ADGRL2: variants seen among roughly 807,000 people sequenced by gnomAD.
The protein encoded by ADGRL2 is adhesion G protein-coupled receptor L2.
Under a neutral mutation model 157.4 loss-of-function variants are expected in ADGRL2, and 44 were observed. The observed-to-expected ratio is 0.28, with a 90% CI of 0.22 to 0.36. The LOEUF (loss-of-function observed/expected upper bound fraction) is 0.36. Among genes scored for constraint, ADGRL2 ranks in the 10% least tolerant of loss-of-function variants. The pLI is 1.00. For synonymous variants in ADGRL2, 585 were observed against 624.7 expected, an observed-to-expected ratio of 0.94 and a Z score of 0.95; for missense variants, 1,510 against 1,768.9, an observed-to-expected ratio of 0.85 and a Z score of 2.63.
At chr1:81,651,595 A>C (rs890103568) in intron 3 of ADGRL2, among the ~76,000 whole-genome samples, 1 of 152,240 alleles carries the variant, frequency 6.6e-6, no homozygotes, top group African/African-American at 2.4e-5. Flanking sequence ...CAGTAATTGT[A>C]GGGTTTCACC....
intron 11 of ADGRL2, among the ~76,000 whole-genome samples, chr1:81,957,726 T>G (rs1654006314): frequency 6.6e-6 from 1 of 151,934 alleles, no homozygotes; most frequent in Non-Finnish European, 1.5e-5. Context: ...TAAATAAAAT[T>G]TAATTAAATG....
At chr1:81,325,856 G>A (rs185077524) in intron 1 of ADGRL2, among the ~76,000 whole-genome samples, 6 of 152,218 alleles carry the variant, frequency 3.9e-5, no homozygotes, top group Non-Finnish European at 7.4e-5. Flanking sequence ...GTACTGAAGG[G>A]CTCTACCCCC....
intron 1 of ADGRL2, among the ~76,000 whole-genome samples, chr1:81,428,196 G>A (rs929370380): frequency 7.2e-5 from 11 of 152,022 alleles, no homozygotes; most frequent in Non-Finnish European, 1.3e-4. Context: ...GACATGAATG[G>A]GTGCTGACGT....
chr1:81,620,395 G>A (rs1053062812), intron 3 of ADGRL2, among the ~76,000 whole-genome samples: 17 of 152,130 alleles, frequency 1.1e-4, no homozygotes, highest in Admixed American at 5.9e-4. Context: ...TTAGGTTTAG[G>A]TCAAGTAAAA....
At chr1:81,960,544 G>A (rs563545720) in intron 11 of ADGRL2, among the ~76,000 whole-genome samples, 29 of 134,792 alleles carry the variant, frequency 2.2e-4, no homozygotes, top group African/African-American at 6.4e-4. Flanking sequence ...GCATGATCTC[G>A]GCTCACTGCA....
intron 2 of ADGRL2, among the ~76,000 whole-genome samples, chr1:81,455,017 C>G (rs2077775030): frequency 6.6e-6 from 1 of 152,202 alleles, no homozygotes; most frequent in African/African-American, 2.4e-5. Flanking sequence ...GACCAGGTTT[C>G]TCATCCTCTA....
intron 2 of ADGRL2, among the ~76,000 whole-genome samples, chr1:81,843,694 CA>C (rs2092685426): frequency 1.3e-5 from 2 of 152,078 alleles, no homozygotes; most frequent in East Asian, 1.9e-4. Flanking sequence ...AAATGTGACT[CA>C]AAGTTGCCGA....
upstream of ADGRL2, among the ~76,000 whole-genome samples, chr1:81,800,029 T>C (rs1045030352): frequency 2.6e-5 from 4 of 152,130 alleles, no homozygotes; most frequent in Non-Finnish European, 5.9e-5. Flanking sequence ...GGCTGTTTGC[T>C]GACATTGCCA....
intron 2 of ADGRL2, among the ~76,000 whole-genome samples, chr1:81,900,488 G>A (rs957457633): frequency 6.6e-5 from 10 of 151,962 alleles, no homozygotes; most frequent in Non-Finnish European, 8.8e-5. Flanking sequence ...AGTAGAGAGT[G>A]GAAACTCATG....
At chr1:81,547,951 T>C (rs1039072173) in intron 2 of ADGRL2, among the ~76,000 whole-genome samples, 7 of 152,244 alleles carry the variant, frequency 4.6e-5, no homozygotes, top group East Asian at 1.9e-4. Context: ...TGTTATTTTA[T>C]GTTTTACTTA....
intron 2 of ADGRL2, among the ~76,000 whole-genome samples, chr1:81,531,872 A>C (rs1299529264): frequency 6.6e-6 from 1 of 152,176 alleles, no homozygotes; most frequent in Non-Finnish European, 1.5e-5. Flanking sequence ...TAAATTTCTT[A>C]AATTTTTATA....
chr1:81,500,912 C>A (rs1053083695), intron 2 of ADGRL2, among the ~76,000 whole-genome samples: 2 of 152,086 alleles, frequency 1.3e-5, no homozygotes, highest in African/African-American at 4.8e-5. Flanking sequence ...TCTTTGATAT[C>A]CAAAACTAAT....
At chr1:81,582,229 T>A (rs1004027121) in intron 3 of ADGRL2, among the ~76,000 whole-genome samples, 2 of 151,462 alleles carry the variant, frequency 1.3e-5, no homozygotes, top group African/African-American at 2.4e-5. Flanking sequence ...CAAAAAAAAT[T>A]TTTTTTTTAG....
chr1:81,481,731 T>G (rs1021498920), intron 2 of ADGRL2, among the ~76,000 whole-genome samples: 3 of 67,788 alleles, frequency 4.4e-5, no homozygotes, highest in African/African-American at 1.1e-4. Flanking sequence ...TAGGCTGGTT[T>G]TCAAAGAGGG....
chr1:81,820,660 G>T, intron 1 of ADGRL2, among the ~76,000 whole-genome samples: 2 of 150,726 alleles, frequency 1.3e-5, no homozygotes, highest in South Asian at 2.1e-4. Context: ...TAAATCAGTA[G>T]CAAGCTGACT....
chr1:81,408,364 T>C (rs1437973100), intron 1 of ADGRL2, among the ~76,000 whole-genome samples: 6 of 152,230 alleles, frequency 3.9e-5, no homozygotes, highest in African/African-American at 1.4e-4. Context: ...GGTAGCATCC[T>C]TTATTAAATG....
At chr1:81,371,780 C>T (rs533602179) in intron 1 of ADGRL2, among the ~76,000 whole-genome samples, 3 of 152,140 alleles carry the variant, frequency 2.0e-5, no homozygotes, top group Non-Finnish European at 4.4e-5. Context: ...ATTCACCCAT[C>T]GATCCATGTA....
chr1:81,834,083 T>G (rs906391622), intron 1 of ADGRL2, among the ~76,000 whole-genome samples: 1 of 152,142 alleles, frequency 6.6e-6, no homozygotes, highest in Non-Finnish European at 1.5e-5. Context: ...ATAGTTTAAG[T>G]AGAAATCTGT....
chr1:81,524,722 A>G (rs2079411501), intron 2 of ADGRL2, among the ~76,000 whole-genome samples: 1 of 152,176 alleles, frequency 6.6e-6, no homozygotes, highest in Non-Finnish European at 1.5e-5. Flanking sequence ...ATAGCATGCT[A>G]CATTTATGTT....
Sources: gnomAD v4.1 joint callset for allele counts (sites outside exome capture counted in the v4.1 genomes callset) on GRCh38, gnomAD v4.1.1 for gene constraint, MANE v1.5 for transcripts, NCBI Gene and HGNC (gene_info 2026-07-23, HGNC 2026-07-21) for gene names.